GTF2IRD1: variants seen among roughly 807,000 people sequenced by gnomAD.
The protein encoded by GTF2IRD1 is GTF2I repeat domain containing 1.
In GTF2IRD1, 26 loss-of-function variants were observed where a neutral mutation model predicts 113.2. The observed-to-expected ratio is 0.23, with a 90% CI of 0.17 to 0.32. GTF2IRD1 has a LOEUF of 0.32. GTF2IRD1 is among the 10% of genes least tolerant of loss of function. The pLI is 1.00. For synonymous variants in GTF2IRD1, 484 were observed against 529.1 expected (o/e 0.91, Z 1.17); for missense variants, 864 against 1,280.8 (o/e 0.67, Z 4.97).
Position 74,589,835 on chromosome 7 carries a change from T to G in GTF2IRD1, c.2321-16T>G. On this transcript the variant is annotated splice_polypyrimidine_tract_variant and intron_variant, in intron 22 of 26. Transcript: ENST00000424337. The stretch of plus-strand genomic sequence containing the variant: ...GCTGGTGCCAACTCTCATGCCCCCT[T>G]GTCTTCCTCTTGTAGATGAAGATGA... The G allele has an allele frequency of 6.4e-7, 1 of 1,572,938 alleles. No individual in the cohort carries two copies. The highest frequency in any genetic ancestry group is 1.1e-5 in the South Asian group (1 of 90,192).
At chr7:74,494,194 G>T (rs953135648) in intron 1 of GTF2IRD1, among the ~76,000 whole-genome samples, 2 of 152,236 alleles carry the variant, frequency 1.3e-5, no homozygotes, top group African/African-American at 4.8e-5. Context: ...GTTGCCGGTG[G>T]GAGTTGGAGG....
In GTF2IRD1 at chr7:74,578,352, A is replaced by AT. The variant is rs376963514; in HGVS notation, c.2321-11493dup. On this transcript the variant is annotated intron_variant, in intron 22 of 26. Coordinates refer to ENST00000424337, the MANE Select transcript of GTF2IRD1 (RefSeq NM_005685.4). ...AGGTGCCCGCCACCACGCCCAGCTA[A>AT]TTTTTTGTAGAGACGGGGTTTCACT... 6.1e-3 allele frequency among the ~76,000 whole-genome samples: 923 copies of AT among 151,940 alleles called. 6 individuals carry two copies. The highest frequency in any genetic ancestry group is 9.7e-3 in the Non-Finnish European group (656 of 67,956).
chr7:74,572,598 G>C, intron 22 of GTF2IRD1: 1 of 977,190 alleles, frequency 1.0e-6, no homozygotes, highest in Non-Finnish European at 1.2e-6. Flanking sequence ...TGCTGCCCAA[G>C]ACTTGAGAGT....
intron 1 of GTF2IRD1, among the ~76,000 whole-genome samples, chr7:74,482,890 A>G (rs1200068377): frequency 2.0e-5 from 3 of 152,212 alleles, no homozygotes; most frequent in Non-Finnish European, 4.4e-5. Context: ...GTCAGTGGAA[A>G]CACATGTACC....
chr7:74,519,143 C>G (rs1418981180), intron 5 of GTF2IRD1, among the ~76,000 whole-genome samples: 1 of 152,230 alleles, frequency 6.6e-6, no homozygotes, highest in Non-Finnish European at 1.5e-5. Context: ...AGGCAATCAA[C>G]CGCACCTGGC....
intron 22 of GTF2IRD1, among the ~76,000 whole-genome samples, chr7:74,560,876 C>T (rs185551449): frequency 1.2e-4 from 18 of 152,062 alleles, no homozygotes; most frequent in Admixed American, 6.6e-4. Context: ...CCACCACACC[C>T]GACCTCCTGA....
intron 1 of GTF2IRD1, among the ~76,000 whole-genome samples, chr7:74,471,261 G>T (rs1237740620): frequency 6.6e-6 from 1 of 152,106 alleles, no homozygotes; most frequent in Non-Finnish European, 1.5e-5. Flanking sequence ...TAGAAATATG[G>T]CCAGAGGCTC....
At chr7:74,474,075 A>C (rs1442381520) in intron 1 of GTF2IRD1, among the ~76,000 whole-genome samples, 1 of 96,118 alleles carries the variant, frequency 1.0e-5, no homozygotes, top group East Asian at 2.4e-4. Flanking sequence ...AATACAAAAA[A>C]AAAAAACAAA....
chr7:74,573,077 C>T (rs1262916788), intron 22 of GTF2IRD1, among the ~76,000 whole-genome samples: 8 of 152,048 alleles, frequency 5.3e-5, no homozygotes, highest in African/African-American at 1.9e-4. Context: ...TTCCACACGT[C>T]GGGGAAGGGA....
At chr7:74,476,850 A>G (rs1794441817) in intron 1 of GTF2IRD1, among the ~76,000 whole-genome samples, 2 of 152,096 alleles carry the variant, frequency 1.3e-5, no homozygotes, top group African/African-American at 4.8e-5. Context: ...TTCCTCACCC[A>G]GGAGCTCCAG....
At chr7:74,471,338 C>T (rs1478088146) in intron 1 of GTF2IRD1, among the ~76,000 whole-genome samples, 1 of 151,980 alleles carries the variant, frequency 6.6e-6, no homozygotes, top group Admixed American at 6.6e-5. Context: ...GAATCTGAGA[C>T]CAGCTTAGAC....
chr7:74,527,279 A>G (rs1554347406), intron 8 of GTF2IRD1, among the ~76,000 whole-genome samples: 6 of 152,186 alleles, frequency 3.9e-5, no homozygotes, highest in African/African-American at 1.2e-4. Flanking sequence ...ACTTGAGCCC[A>G]GGAGTTCAAG....
At position 74,518,184 on chromosome 7, in the gene GTF2IRD1, G is replaced by A; in HGVS notation, c.467G>A (p.Arg156Lys). 1 of 1,609,770 alleles carries A rather than the reference G, an allele frequency of 6.2e-7. No homozygotes were observed. The highest frequency in any genetic ancestry group is 8.5e-7 in the Non-Finnish European group (1 of 1,178,338). ...AGTGTGGTGCCACTGCCCTATGAGA[G>A]GCTGCTCAGGGAGCCAGGGCTGCTG... is the stretch of plus-strand genomic sequence containing the variant. Reference protein sequence around the residue: ...RASVVPLPYERLLREPGLLAV... With the variant: ...RASVVPLPYEKLLREPGLLAV... Residue 156 changes from arginine to lysine, a missense_variant, in exon 5 of 27, where the codon AGG (arginine) becomes AAG (lysine). Arg to Lys is a conservative substitution (Grantham distance 26). Transcript: ENST00000424337.
intron 16 of GTF2IRD1, 83 bp downstream of exon 16, chr7:74,545,892 C>A: frequency 1.0e-6 from 1 of 987,206 alleles, no homozygotes; most frequent in Non-Finnish European, 1.6e-6. Context: ...TGGTCGCATC[C>A]CCTTGCCTGT....
chr7:74,497,633 C>T (rs533686101), intron 1 of GTF2IRD1, among the ~76,000 whole-genome samples: 11 of 152,160 alleles, frequency 7.2e-5, no homozygotes, highest in Non-Finnish European at 1.0e-4. Context: ...TCCCTACCAG[C>T]AGCACACAGG....
intron 22 of GTF2IRD1, 37 bp from the exon 23 acceptor site, chr7:74,589,814 G>T (rs1324462973): frequency 3.7e-6 from 5 of 1,351,544 alleles, no homozygotes; most frequent in Non-Finnish European, 4.2e-6. Context: ...GGCTAAGCTG[G>T]TGCCAACTCT....
At chr7:74,518,372 G>C (rs1430443324) in intron 5 of GTF2IRD1, 50 bp downstream of exon 5, 2 of 1,451,892 alleles carry the variant, frequency 1.4e-6, no homozygotes, top group African/African-American at 3.1e-5. Context: ...GCCAGGGCCG[G>C]GTCAGGGCCG....
At chr7:74,459,552 C>T (rs377608827) in intron 1 of GTF2IRD1, among the ~76,000 whole-genome samples, 7 of 152,056 alleles carry the variant, frequency 4.6e-5, no homozygotes, top group South Asian at 2.1e-4. Flanking sequence ...GTGTCTCAGG[C>T]GGTGAACAGA....
chr7:74,455,819 C>G (rs1463441204), intron 1 of GTF2IRD1, among the ~76,000 whole-genome samples: 1 of 152,122 alleles, frequency 6.6e-6, no homozygotes, highest in Non-Finnish European at 1.5e-5. Context: ...ATTGGCAGTT[C>G]TAACTCAGAG....
Sources: gnomAD v4.1 joint callset for allele counts (sites outside exome capture counted in the v4.1 genomes callset) on GRCh38, gnomAD v4.1.1 for gene constraint, MANE v1.5 for transcripts, NCBI Gene and HGNC (gene_info 2026-07-23, HGNC 2026-07-21) for gene names.